Variants in SMS observed in about 807,000 individuals in gnomAD.
The protein encoded by SMS is spermidine aminopropyltransferase.
SMS carries 3 observed loss-of-function variants against 33.0 expected under a neutral mutation model. The ratio of observed to expected loss-of-function variants is 0.09; its 90% CI spans 0.04 to 0.23. The LOEUF is 0.23. Ranked by LOEUF, SMS falls within the 10% of genes least tolerant of loss-of-function variation. The pLI is 1.00. For missense variants in SMS, 117 were observed against 288.6 expected (o/e 0.41, Z 4.31); for synonymous variants, 103 against 112.2 (o/e 0.92, Z 0.52).
At chrX:21,988,437 A>G (rs1041161159) in intron 9 of SMS, among the ~76,000 whole-genome samples, 2 of 110,532 alleles carry the variant, frequency 1.8e-5, no homozygotes, top group African/African-American at 6.6e-5. Flanking sequence ...AGGCCGAGGC[A>G]GGAGGATCAC....
At chrX:21,981,831 G>T (rs370689856) in intron 7 of SMS, among the ~76,000 whole-genome samples, 2 of 111,217 alleles carry the variant, frequency 1.8e-5, no homozygotes, top group African/African-American at 6.5e-5. Flanking sequence ...TTAAAGATAG[G>T]ACACTCAAAC....
In SMS at chrX:21,994,178, C is replaced by T. The variant is rs184995558; in HGVS notation, c.1062-134C>T. On this transcript the variant is annotated intron_variant, in intron 10 of 10. Coordinates refer to ENST00000404933, the MANE Select transcript of SMS (RefSeq NM_004595.5). ...CAGAGTGGCCTTATTCAAAGTCCTTCGTTCTCATTCCCACAGTGCTCTAAG... is the reference window on the plus strand; with the variant it reads ...CAGAGTGGCCTTATTCAAAGTCCTTTGTTCTCATTCCCACAGTGCTCTAAG... The T allele has an allele frequency of 4.9e-5, 30 of 615,164 alleles. 2 individuals are homozygous for T. Among genetic ancestry groups the T allele is most frequent in the Middle Eastern group, 3.0e-4 (1 of 3,323 alleles). 50.7% of individuals were successfully genotyped at this position (615,164 alleles called of 1,213,427 possible). A position where few individuals can be genotyped will look rare whatever the true frequency, so the allele number is the denominator to read the frequency against.
At chrX:21,965,626 T>C (rs959287059) in intron 1 of SMS, among the ~76,000 whole-genome samples, 4 of 98,071 alleles carry the variant, frequency 4.1e-5, no homozygotes, top group African/African-American at 1.6e-4. Flanking sequence ...CGGGCGCCTG[T>C]AGTCCTAGCT....
intron 1 of SMS, among the ~76,000 whole-genome samples, chrX:21,966,079 G>A (rs1226781299): frequency 8.9e-6 from 1 of 112,512 alleles, no homozygotes; most frequent in Admixed American, 9.4e-5. Context: ...ACTAGAGATA[G>A]ACTCTTTATG....
intron 9 of SMS, 98 bp from the exon 10 acceptor site, chrX:21,992,499 C>T (rs1925821217): frequency 3.7e-6 from 2 of 542,509 alleles, no homozygotes; most frequent in Non-Finnish European, 6.6e-6. Context: ...GAACTTTTAT[C>T]TAAAGCTAGA....
At chrX:21,991,055 C>T (rs763441856) in intron 9 of SMS, among the ~76,000 whole-genome samples, 1 of 112,497 alleles carries the variant, frequency 8.9e-6, no homozygotes, top group Admixed American at 9.4e-5. Context: ...ACCTCTTGCC[C>T]GTGACTAGCT....
At chrX:21,972,378 T>C in intron 3 of SMS, 129 bp from the exon 4 acceptor site, 3 of 518,462 alleles carry the variant, frequency 5.8e-6, no homozygotes, top group Non-Finnish European at 7.0e-6. Context: ...TACAGGCTGC[T>C]AGAGGGTAGG....
chrX:21,941,317 C>A (rs1303355820), intron 1 of SMS: 2 of 233,518 alleles, frequency 8.6e-6, no homozygotes, highest in Non-Finnish European at 1.6e-5. Context: ...GGGCTGGGGG[C>A]GTGCGCCGAG....
chrX:21,967,458 A>C, intron 2 of SMS, 142 bp downstream of exon 2: 1 of 618,789 alleles, frequency 1.6e-6, no homozygotes, highest in Non-Finnish European at 2.6e-6. Context: ...GGTGCTTCTC[A>C]ACCGTAGCTG....
chrX:21,985,071 C>T lies in SMS; in HGVS notation c.866-73C>T, dbSNP rs751153550. The T allele has an allele frequency of 2.3e-4, 155 of 663,410 alleles. No homozygotes were observed. In the South Asian group the frequency reaches 2.6e-3, roughly 11 times the overall value. 54.7% of individuals were successfully genotyped at this position (663,410 alleles called of 1,213,427 possible). A position where few individuals can be genotyped will look rare whatever the true frequency, so the allele number is the denominator to read the frequency against. ...TTTTCCTCTTTTGGTATTGAGTATTCGAATATTTTACTTCAGATGTTGTGG... is the reference window on the plus strand; with the variant it reads ...TTTTCCTCTTTTGGTATTGAGTATTTGAATATTTTACTTCAGATGTTGTGG... On this transcript the variant is annotated intron_variant, in intron 8 of 10. Coordinates refer to ENST00000404933, the MANE Select transcript of SMS (RefSeq NM_004595.5).
intron 1 of SMS, among the ~76,000 whole-genome samples, chrX:21,948,938 C>T (rs762090132): frequency 8.9e-5 from 10 of 112,062 alleles, no homozygotes; most frequent in African/African-American, 1.6e-4. Context: ...CTGCGAACCA[C>T]GTATGTAAAC....
At chrX:21,991,318 C>G (rs1236546091) in intron 9 of SMS, among the ~76,000 whole-genome samples, 1 of 111,152 alleles carries the variant, frequency 9.0e-6, no homozygotes, top group African/African-American at 3.3e-5. Context: ...GCTGGGGTTA[C>G]AGGCGCATGC....
chrX:21,978,895 G>C lies in SMS; in HGVS notation c.679G>C (p.Asp227His). 6 of 1,206,385 alleles carry C rather than the reference G, an allele frequency of 5.0e-6. No homozygotes were observed. Among genetic ancestry groups the C allele is most frequent in the Non-Finnish European group, 6.7e-6 (6 of 890,603 alleles). Reference sequence around the variant, plus strand: ...TGCGGACATTGACCAAATGGTGATTGATGGGTGTAAGAAATACATGCGAAA... The same window carrying C: ...TGCGGACATTGACCAAATGGTGATTCATGGGTGTAAGAAATACATGCGAAA... Reference protein sequence around the residue: ...TMVEIDQMVIDGCKKYMRKTC... With the variant: ...TMVEIDQMVIHGCKKYMRKTC... Residue 227 changes from aspartate to histidine, a missense_variant, in exon 7 of 11, where the codon GAT (aspartate) becomes CAT (histidine). Physicochemically the swap from Asp to His is moderately conservative, Grantham distance 81 (BLOSUM62 -1). Coordinates refer to ENST00000404933, the MANE Select transcript of SMS (RefSeq NM_004595.5).
intron 9 of SMS, among the ~76,000 whole-genome samples, chrX:21,986,993 T>C (rs1320166872): frequency 4.9e-5 from 3 of 61,352 alleles, no homozygotes; most frequent in African/African-American, 2.2e-4. Context: ...GGACTTATGA[T>C]GGTTTTTTTT....
At chrX:21,980,559 C>T (rs41332250) in intron 7 of SMS, among the ~76,000 whole-genome samples, 6,594 of 106,015 alleles carry the variant, frequency 0.062, 181 homozygotes, top group African/African-American at 0.099. Context: ...ACTACCTGAA[C>T]GTTAATAGAA....
intron 10 of SMS, 73 bp from the exon 11 acceptor site, chrX:21,994,239 C>T: frequency 1.0e-6 from 1 of 963,245 alleles, no homozygotes; most frequent in Non-Finnish European, 1.5e-6. Context: ...AATTTGTAGG[C>T]CAGCAAACGA....
chrX:21,967,783 G>A (rs896034069), intron 2 of SMS, among the ~76,000 whole-genome samples: 1 of 112,586 alleles, frequency 8.9e-6, no homozygotes, highest in Non-Finnish European at 1.9e-5. Context: ...AGTGGCTGGT[G>A]AGCCCCGCTC....
At chrX:21,942,784 C>T (rs1412477564) in intron 1 of SMS, among the ~76,000 whole-genome samples, 1 of 108,449 alleles carries the variant, frequency 9.2e-6, no homozygotes, top group Non-Finnish European at 1.9e-5. Flanking sequence ...GTTGTGAGCA[C>T]CTTGTGAACA....
In SMS at chrX:21,992,594, T is replaced by C; in HGVS notation, c.946-3T>C. ...CCCATTTGCTTATCTCTCTTTGATT[T>C]AGGGGAACTGTGTCAATCTGACAGA... is the stretch of plus-strand genomic sequence containing the variant. On this transcript the variant is annotated splice_polypyrimidine_tract_variant and splice_region_variant and intron_variant, in intron 9 of 10. Coordinates refer to ENST00000404933, the MANE Select transcript of SMS (RefSeq NM_004595.5). The C allele has an allele frequency of 1.7e-6, 2 of 1,167,670 alleles. No individual in the cohort carries two copies. The highest frequency in any genetic ancestry group is 2.3e-6 in the Non-Finnish European group (2 of 856,619).
Sources: gnomAD v4.1 joint callset for allele counts (sites outside exome capture counted in the v4.1 genomes callset) on GRCh38, gnomAD v4.1.1 for gene constraint, MANE v1.5 for transcripts, NCBI Gene and HGNC (gene_info 2026-07-23, HGNC 2026-07-21) for gene names.